PCDHGB2: variants seen among roughly 807,000 people sequenced by gnomAD.
The protein encoded by PCDHGB2 is protocadherin gamma-B2.
A neutral mutation model predicts 59.3 loss-of-function variants in PCDHGB2; 55 were observed. That is an observed-to-expected ratio of 0.93 (90% CI 0.75 to 1.16). PCDHGB2 has a LOEUF of 1.16. Among genes scored for constraint, PCDHGB2 ranks in the 50% most tolerant of loss-of-function variants. The pLI is 0.00. For synonymous variants in PCDHGB2, 516 were observed against 512.0 expected (o/e 1.01, Z -0.11); for missense variants, 1,228 against 1,198.5 (o/e 1.02, Z -0.36).
At chr5:141,449,407 G>A (rs1367837385) in intron 1 of PCDHGB2, among the ~76,000 whole-genome samples, 2 of 151,754 alleles carry the variant, frequency 1.3e-5, no homozygotes, top group Non-Finnish European at 2.9e-5. Flanking sequence ...AGGAGTTCAA[G>A]ACCAGCCTGG....
chr5:141,415,947 C>T (rs1161530180), intron 1 of PCDHGB2: 1 of 532,382 alleles, frequency 1.9e-6, no homozygotes, highest in Admixed American at 4.2e-5. Flanking sequence ...CCTGGGTGGT[C>T]ACATATTGAA....
At chr5:141,423,754 GGGGGGGT>G in intron 1 of PCDHGB2, 1 of 577,826 alleles carries the variant, frequency 1.7e-6, no homozygotes, top group Non-Finnish European at 2.2e-6. Flanking sequence ...ACTGTTTGGG[GGGGGGGT>G]GGGGCGGCAT....
At chr5:141,379,593 AC>A (rs1775703652) in intron 1 of PCDHGB2, 1 of 152,152 alleles carries the variant, frequency 6.6e-6, no homozygotes, top group Non-Finnish European at 1.5e-5. Flanking sequence ...TTCTCTTATT[AC>A]CTGTGACCAT....
At position 141,381,826 on chromosome 5, in the gene PCDHGB2, CTTT is replaced by C. The variant is rs770630741; in HGVS notation, c.2421+19290_2421+19292del. Among the ~76,000 whole-genome samples the C allele has an allele frequency of 8.4e-3, 625 of 74,256 alleles. 6 individuals are homozygous for C. Among genetic ancestry groups the C allele is most frequent in the African/African-American group, 0.035 (569 of 16,164 alleles). 48.7% of individuals were successfully genotyped at this position (74,256 alleles called of 152,430 possible). On this transcript the variant is annotated intron_variant, in intron 1 of 3. Transcript: ENST00000522605. ...TTTCTTTCTTTCTTTCTTTCTTCTT[CTTT>C]TTTTTTTTTTTTTTTTTTTGGCAGA...
At position 141,490,003 on chromosome 5, in the gene PCDHGB2, G is replaced by A. The variant is rs2099694760; in HGVS notation, c.2422-4804G>A. On this transcript the variant is annotated intron_variant, in intron 1 of 3. Transcript: ENST00000522605. This position sits in a 1 kb window ranked among gnomAD's most constrained non-coding sequence, Gnocchi z 5.4. ...TCTACGTGTGGGAATCCCAGAGAAT[G>A]CACCCATTGGTACTCTGCTGCTCCG... 6.2e-7 allele frequency: 1 copy of A among 1,614,204 alleles called. No homozygotes were observed. Among genetic ancestry groups the A allele is most frequent in the Non-Finnish European group, 8.5e-7 (1 of 1,180,008 alleles).
At chr5:141,370,904 C>T in intron 1 of PCDHGB2, 4 of 1,614,034 alleles carry the variant, frequency 2.5e-6, no homozygotes, top group Non-Finnish European at 3.4e-6. Context: ...TGCAGCAGTA[C>T]TACCTCAGCC....
In PCDHGB2 at chr5:141,491,928, G is replaced by T; in HGVS notation, c.2422-2879G>T. 1 of 1,301,482 alleles carries T rather than the reference G, an allele frequency of 7.7e-7. No homozygotes were observed. Among genetic ancestry groups the T allele is most frequent in the South Asian group, 1.6e-5 (1 of 63,466 alleles). 80.6% of individuals were successfully genotyped at this position (1,301,482 alleles called of 1,614,324 possible). A position where few individuals can be genotyped will look rare whatever the true frequency, so the allele number is the denominator to read the frequency against. On this transcript the variant is annotated intron_variant, in intron 1 of 3. Coordinates refer to ENST00000522605, the MANE Select transcript of PCDHGB2 (RefSeq NM_018923.3). The surrounding 1 kb of genome is among the most constrained non-coding windows in gnomAD (Gnocchi z 6.9). ...TGGTGGCGACTGTGGGCGAGGGGAG[G>T]TGGGACCGACCCCCACCCCTACACT... is the stretch of plus-strand genomic sequence containing the variant.
chr5:141,455,924 G>A (rs2098837630), intron 1 of PCDHGB2, among the ~76,000 whole-genome samples: 1 of 149,978 alleles, frequency 6.7e-6, no homozygotes. Flanking sequence ...TTGAGACGGA[G>A]TCTCGCTCTG....
intron 1 of PCDHGB2, chr5:141,397,868 A>T (rs1331188362): frequency 1.4e-5 from 8 of 573,128 alleles, no homozygotes; most frequent in Non-Finnish European, 2.1e-5. Context: ...CCTAGTGCTG[A>T]CTCTGGGCGC....
At chr5:141,423,757 G>C (rs562479446) in intron 1 of PCDHGB2, 29 of 395,138 alleles carry the variant, frequency 7.3e-5, no homozygotes, top group African/African-American at 6.1e-4. Flanking sequence ...GTTTGGGGGG[G>C]GGGTGGGGCG....
chr5:141,397,332 A>G (rs1246653356), intron 1 of PCDHGB2, among the ~76,000 whole-genome samples: 1 of 152,234 alleles, frequency 6.6e-6, no homozygotes, highest in Non-Finnish European at 1.5e-5. Flanking sequence ...AATTATTTTT[A>G]TAAAGAATGT....
intron 1 of PCDHGB2, chr5:141,377,893 TC>T (rs1774447878): frequency 6.6e-6 from 1 of 152,178 alleles, no homozygotes; most frequent in Admixed American, 6.5e-5. Flanking sequence ...AGGATCCCCC[TC>T]TGTTGCCCAG....
intron 1 of PCDHGB2, chr5:141,393,206 A>T: frequency 6.2e-7 from 1 of 1,613,588 alleles, no homozygotes; most frequent in East Asian, 2.2e-5. Context: ...ATAATAACCC[A>T]AAATTCCAGG....
intron 1 of PCDHGB2, chr5:141,427,369 C>T (rs1333238163): frequency 4.4e-6 from 2 of 457,834 alleles, no homozygotes; most frequent in Non-Finnish European, 8.8e-6. Flanking sequence ...GAACCCTGGA[C>T]GGTGATCACT....
rs549829392 is a variant in PCDHGB2 at position 141,403,606 on chromosome 5, C to T, written c.2421+41050C>T. The T allele has an allele frequency of 3.1e-5, 50 of 1,613,710 alleles. No homozygotes were observed. The East Asian group carries it at 8.5e-4, about 27-fold the overall frequency. Reference sequence around the variant, plus strand: ...TGGTCCTCACGGCCTCGGATGGCGGCGAGCCGCGTCGCTCCAGCACAGTGC... The same window carrying T: ...TGGTCCTCACGGCCTCGGATGGCGGTGAGCCGCGTCGCTCCAGCACAGTGC... On this transcript the variant is annotated intron_variant, in intron 1 of 3. Coordinates refer to ENST00000522605, the MANE Select transcript of PCDHGB2 (RefSeq NM_018923.3).
intron 1 of PCDHGB2, chr5:141,430,838 G>C (rs866767896): frequency 1.3e-6 from 2 of 1,563,026 alleles, no homozygotes; most frequent in Middle Eastern, 1.7e-4. Context: ...GTGGGAGACC[G>C]GATGCACCCA....
intron 1 of PCDHGB2, among the ~76,000 whole-genome samples, chr5:141,455,830 C>T (rs928219545): frequency 2.0e-5 from 3 of 151,170 alleles, no homozygotes; most frequent in African/African-American, 7.3e-5. Flanking sequence ...GACCCCTTTT[C>T]CTGTCTATCT....
intron 1 of PCDHGB2, chr5:141,399,869 G>A: frequency 1.2e-6 from 2 of 1,612,822 alleles, no homozygotes; most frequent in Non-Finnish European, 8.5e-7. Context: ...GCAGAGCCCG[G>A]CTACCTGGTG....
intron 1 of PCDHGB2, chr5:141,414,666 A>G (rs1243321329): frequency 6.2e-7 from 1 of 1,614,002 alleles, no homozygotes; most frequent in Admixed American, 1.7e-5. Context: ...CCCTGGCTGA[A>G]GACACCATCC....
Sources: allele counts gnomAD v4.1 joint callset (sites outside exome capture counted in the v4.1 genomes callset), GRCh38; gene constraint gnomAD v4.1.1; non-coding constraint Gnocchi (gnomAD v3.1); transcripts MANE v1.5; gene names NCBI Gene and HGNC (gene_info 2026-07-23, HGNC 2026-07-21).